Variants in GALNT2 observed in about 807,000 individuals in gnomAD.
GALNT2 encodes UDP-GalNAc:polypeptide N-acetylgalactosaminyltransferase 2.
Under a neutral mutation model 81.4 loss-of-function variants are expected in GALNT2, and 31 were observed. The ratio of observed to expected loss-of-function variants is 0.38; its 90% CI spans 0.29 to 0.51. GALNT2 has a LOEUF of 0.51. GALNT2 is among the 20% of genes least tolerant of loss of function. The probability of loss-of-function intolerance (pLI) is 0.87; values close to 1 mark genes in which losing one functional copy is unlikely to be tolerated. For synonymous variants in GALNT2, 303 were observed against 287.4 expected (o/e 1.05, Z -0.55); for missense variants, 629 against 765.7 (o/e 0.82, Z 2.11).
intron 1 of GALNT2, among the ~76,000 whole-genome samples, chr1:230,082,082 A>G (rs535133077): frequency 6.6e-6 from 1 of 152,290 alleles, no homozygotes; most frequent in African/African-American, 2.4e-5. Context: ...TGGTGACATC[A>G]GGTGTGAATT....
chr1:230,259,335 C>G (rs1282503272), intron 11 of GALNT2: 2 of 152,192 alleles, frequency 1.3e-5, no homozygotes, highest in Non-Finnish European at 2.9e-5. Flanking sequence ...ATACACATAG[C>G]CTGAAGTTAA....
intron 7 of GALNT2, among the ~76,000 whole-genome samples, chr1:230,244,067 C>T (rs1439814513): frequency 1.3e-5 from 2 of 151,774 alleles, no homozygotes; most frequent in African/African-American, 4.8e-5. Flanking sequence ...ATTGACTTTT[C>T]TTTCCTTCCT....
At chr1:230,091,137 C>G (rs1045770342) in intron 1 of GALNT2, among the ~76,000 whole-genome samples, 2 of 151,928 alleles carry the variant, frequency 1.3e-5, no homozygotes, top group African/African-American at 2.4e-5. Flanking sequence ...GGCACGATCT[C>G]AGCTCACTGC....
In GALNT2 at chr1:230,155,356, C is replaced by CG. The variant is rs1202775609; in HGVS notation, c.127-22859dup. ...GGCCCTGCCTGCAGCCGCTGACCTC[C>CG]GGGAGAGACCGGCCTCTCCCTAATT... On this transcript the variant is annotated intron_variant, in intron 1 of 15. Coordinates refer to ENST00000366672, the MANE Select transcript of GALNT2 (RefSeq NM_004481.5). 9.8e-5 allele frequency among the ~76,000 whole-genome samples: 15 copies of CG among 152,320 alleles called. No individual in the cohort carries two copies. The East Asian group carries it at 2.7e-3, about 27-fold the overall frequency.
intron 1 of GALNT2, among the ~76,000 whole-genome samples, chr1:230,144,829 G>A (rs1661863655): frequency 6.6e-6 from 1 of 152,196 alleles, no homozygotes; most frequent in South Asian, 2.1e-4. Context: ...GTATTAAAAA[G>A]CCTGGGAGTA....
intron 1 of GALNT2, among the ~76,000 whole-genome samples, chr1:230,097,259 A>G (rs1002916600): frequency 3.3e-5 from 5 of 152,108 alleles, no homozygotes; most frequent in African/African-American, 1.2e-4. Context: ...ATGATCTTTA[A>G]TTTATCAACT....
At chr1:230,147,550 T>C (rs923343102) in intron 1 of GALNT2, among the ~76,000 whole-genome samples, 1 of 152,246 alleles carries the variant, frequency 6.6e-6, no homozygotes, top group Non-Finnish European at 1.5e-5. Context: ...TCTCCTTTCC[T>C]GGTCCCGCGG....
At chr1:230,060,152 C>A (rs1659010672) in intron 1 of GALNT2, among the ~76,000 whole-genome samples, 5 of 152,182 alleles carry the variant, frequency 3.3e-5, no homozygotes, top group Admixed American at 2.0e-4. Flanking sequence ...TTCACAATAG[C>A]CAAAGTGACA....
At position 230,070,246 on chromosome 1, in the gene GALNT2, CT is replaced by C. The variant is rs973944411; in HGVS notation, c.126+2843del. On this transcript the variant is annotated intron_variant, in intron 1 of 15. Coordinates refer to ENST00000366672, the MANE Select transcript of GALNT2 (RefSeq NM_004481.5). The surrounding 1 kb of genome is among the most constrained non-coding windows in gnomAD (Gnocchi z 4.7). Reference sequence around the variant, plus strand: ...TTTCATTTACATTTGTGTCCATACCCTTTCCCCCCATATTTTGCTCTTTCCC... The same window carrying C: ...TTTCATTTACATTTGTGTCCATACCCTTCCCCCCATATTTTGCTCTTTCCC... 3.0e-4 allele frequency among the ~76,000 whole-genome samples: 46 copies of C among 152,130 alleles called. No homozygotes were observed. The highest frequency in any genetic ancestry group is 1.0e-3 in the African/African-American group (43 of 41,424).
At chr1:230,114,116 CA>C (rs1558090077) in intron 1 of GALNT2, among the ~76,000 whole-genome samples, 3 of 152,198 alleles carry the variant, frequency 2.0e-5, no homozygotes. Flanking sequence ...TCTGTTAGGA[CA>C]GGGGGTTTCT....
intron 2 of GALNT2, among the ~76,000 whole-genome samples, chr1:230,195,665 G>A (rs1218050456): frequency 6.6e-6 from 1 of 152,168 alleles, no homozygotes; most frequent in Non-Finnish European, 1.5e-5. Context: ...TGGGGTTGCC[G>A]ATGGGACTGA....
chr1:230,203,389 G>C, intron 3 of GALNT2, 99 bp downstream of exon 3: 1 of 1,370,416 alleles, frequency 7.3e-7, no homozygotes. Flanking sequence ...CATTACTCTG[G>C]GAAATTGAAT....
intron 15 of GALNT2, among the ~76,000 whole-genome samples, chr1:230,277,480 A>G (rs1479073934): frequency 1.3e-5 from 2 of 152,220 alleles, no homozygotes; most frequent in African/African-American, 4.8e-5. Flanking sequence ...GGGCAGCCTC[A>G]ATACATACAC....
intron 3 of GALNT2, among the ~76,000 whole-genome samples, chr1:230,222,666 C>A (rs1023143010): frequency 2.0e-5 from 3 of 151,966 alleles, no homozygotes; most frequent in Non-Finnish European, 4.4e-5. Flanking sequence ...GACATTACAA[C>A]TTTATAATTT....
intron 3 of GALNT2, among the ~76,000 whole-genome samples, chr1:230,214,555 A>G (rs1192090920): frequency 6.6e-6 from 1 of 151,946 alleles, no homozygotes; most frequent in Non-Finnish European, 1.5e-5. Context: ...GTTCTTTTTG[A>G]AGACATTTGA....
chr1:230,168,244 G>T (rs975458484), intron 1 of GALNT2, among the ~76,000 whole-genome samples: 2 of 152,204 alleles, frequency 1.3e-5, no homozygotes, highest in Non-Finnish European at 2.9e-5. Context: ...TGCTGTTCTT[G>T]CCTTCAGGAA....
intron 1 of GALNT2, among the ~76,000 whole-genome samples, chr1:230,073,651 C>T (rs1406797098): frequency 1.3e-5 from 2 of 152,252 alleles, no homozygotes; most frequent in African/African-American, 2.4e-5. Context: ...TAGAGTCTCA[C>T]TCATAGGCTT....
chr1:230,173,752 C>T (rs1662869567), intron 1 of GALNT2, among the ~76,000 whole-genome samples: 1 of 152,218 alleles, frequency 6.6e-6, no homozygotes, highest in Non-Finnish European at 1.5e-5. Flanking sequence ...CATACATTTG[C>T]ATTCAGTACA....
chr1:230,235,654 T>C (rs1665004190), intron 3 of GALNT2, among the ~76,000 whole-genome samples: 1 of 152,198 alleles, frequency 6.6e-6, no homozygotes, highest in South Asian at 2.1e-4. Context: ...GGTTCTGCCC[T>C]TCGGAAATTA....
Sources: allele counts gnomAD v4.1 joint callset (sites outside exome capture counted in the v4.1 genomes callset), GRCh38; gene constraint gnomAD v4.1.1; non-coding constraint Gnocchi (gnomAD v3.1); transcripts MANE v1.5; gene names NCBI Gene and HGNC (gene_info 2026-07-23, HGNC 2026-07-21).